Variants in SOX5 observed in about 807,000 individuals in gnomAD.
The protein encoded by SOX5 is transcription factor SOX-5.
Under a neutral mutation model 92.0 loss-of-function variants are expected in SOX5, and 9 were observed. The observed-to-expected ratio is 0.10, with a 90% CI of 0.06 to 0.17. The LOEUF (loss-of-function observed/expected upper bound fraction) is 0.17. SOX5 is among the 10% of genes least tolerant of loss of function. SOX5 has a pLI of 1.00. For missense variants in SOX5, 642 were observed against 944.5 expected (o/e 0.68, Z 4.20); for synonymous variants, 344 against 336.3 (o/e 1.02, Z -0.25).
intron 1 of SOX5, among the ~76,000 whole-genome samples, chr12:24,406,549 G>A (rs373236593): frequency 2.0e-5 from 3 of 152,304 alleles, no homozygotes; most frequent in East Asian, 3.9e-4. Flanking sequence ...GACAGGTGAA[G>A]AGAGGAAAAA....
chr12:23,913,407 T>G (rs907583684), intron 1 of SOX5, among the ~76,000 whole-genome samples: 1 of 151,884 alleles, frequency 6.6e-6, no homozygotes, highest in Non-Finnish European at 1.5e-5. Context: ...CTTTTTACAC[T>G]CCTCATAGGC....
intron 3 of SOX5, among the ~76,000 whole-genome samples, chr12:23,801,993 G>A (rs2095667039): frequency 6.6e-6 from 1 of 152,122 alleles, no homozygotes; most frequent in African/African-American, 2.4e-5. Context: ...GGAAATGCAT[G>A]CTACAATTAT....
chr12:23,782,925 G>T (rs916241995), intron 3 of SOX5, among the ~76,000 whole-genome samples: 2 of 152,048 alleles, frequency 1.3e-5, no homozygotes, highest in Admixed American at 6.5e-5. Flanking sequence ...TAAGCTCTCT[G>T]ATCATCAAAT....
intron 1 of SOX5, among the ~76,000 whole-genome samples, chr12:23,926,917 G>T (rs1437985046): frequency 6.6e-6 from 1 of 151,992 alleles, no homozygotes; most frequent in Non-Finnish European, 1.5e-5. Flanking sequence ...AAATCCATCT[G>T]CATTGGGTAA....
intron 6 of SOX5, among the ~76,000 whole-genome samples, chr12:23,732,915 A>C (rs564750165): frequency 6.6e-6 from 1 of 152,156 alleles, no homozygotes. Context: ...GCTTTTCATT[A>C]AAAAATGTTC....
chr12:24,466,882 G>T (rs1944294076), intron 1 of SOX5, among the ~76,000 whole-genome samples: 1 of 152,198 alleles, frequency 6.6e-6, no homozygotes, highest in Non-Finnish European at 1.5e-5. Context: ...TCTGGAGTAA[G>T]TGACAGTGCT....
chr12:23,830,307 C>T (rs530930308), intron 3 of SOX5, among the ~76,000 whole-genome samples: 2 of 152,210 alleles, frequency 1.3e-5, no homozygotes, highest in East Asian at 1.9e-4. Flanking sequence ...TACAGTGGTG[C>T]TTTTGAAAAG....
intron 1 of SOX5, among the ~76,000 whole-genome samples, chr12:24,551,442 G>T (rs952666005): frequency 2.6e-5 from 4 of 152,132 alleles, no homozygotes; most frequent in African/African-American, 9.7e-5. Context: ...CCAGTCTATT[G>T]GCTAGCATCT....
At chr12:24,122,311 G>C (rs1267619544) in intron 4 of SOX5, among the ~76,000 whole-genome samples, 3 of 152,172 alleles carry the variant, frequency 2.0e-5, no homozygotes, top group Non-Finnish European at 4.4e-5. Context: ...AAGAGATCCA[G>C]TCAAAGCAAA....
chr12:24,085,282 A>G (rs908514258), intron 4 of SOX5, among the ~76,000 whole-genome samples: 6 of 152,084 alleles, frequency 3.9e-5, no homozygotes, highest in African/African-American at 7.2e-5. Flanking sequence ...AAACTACACA[A>G]TGTAATGTGG....
At position 24,171,274 on chromosome 12, in the gene SOX5, A is replaced by T. The variant is rs1593881777; in HGVS notation, c.-2+42069T>A. Among the ~76,000 whole-genome samples, 4 of 124,132 alleles carry T rather than the reference A, an allele frequency of 3.2e-5. 1 individual carries two copies. The highest frequency in any genetic ancestry group is 1.3e-4 in the African/African-American group (4 of 31,396). 81.4% of individuals were successfully genotyped at this position (124,132 alleles called of 152,430 possible). ...AGTCTCGCTCTGTCACCCAGGCTGGAGTGCAGTGGCCCAATCTTGGCTCAC... is the reference window on the plus strand; with the variant it reads ...AGTCTCGCTCTGTCACCCAGGCTGGTGTGCAGTGGCCCAATCTTGGCTCAC... On this transcript the variant is annotated intron_variant, in intron 4 of 4. Transcript: ENST00000446891.
chr12:23,838,854 G>GT (rs544851827), intron 3 of SOX5, among the ~76,000 whole-genome samples: 1 of 93,544 alleles, frequency 1.1e-5, no homozygotes, highest in Admixed American at 1.2e-4. Flanking sequence ...GGGGGGGGGG[G>GT]GCGGGGATGG....
intron 4 of SOX5, among the ~76,000 whole-genome samples, chr12:24,192,997 A>T (rs1594119022): frequency 6.6e-6 from 1 of 152,346 alleles, no homozygotes; most frequent in East Asian, 1.9e-4. Context: ...TGGAACACAA[A>T]TTATTAATGC....
At chr12:24,456,382 C>T (rs1943020978) in intron 1 of SOX5, among the ~76,000 whole-genome samples, 1 of 152,146 alleles carries the variant, frequency 6.6e-6, no homozygotes, top group African/African-American at 2.4e-5. Context: ...TAACAGTTAA[C>T]ATTCCATCTC....
At chr12:24,467,648 G>C (rs1944369531) in intron 1 of SOX5, among the ~76,000 whole-genome samples, 1 of 152,150 alleles carries the variant, frequency 6.6e-6, no homozygotes, top group African/African-American at 2.4e-5. Context: ...ACACCACATA[G>C]GGGTGTTTAG....
chr12:24,065,770 G>A (rs1367783695), intron 4 of SOX5, among the ~76,000 whole-genome samples: 2 of 151,996 alleles, frequency 1.3e-5, no homozygotes, highest in Non-Finnish European at 2.9e-5. Context: ...TGTCAACCAG[G>A]AACTTCTTCA....
intron 7 of SOX5, among the ~76,000 whole-genome samples, chr12:23,646,390 C>A (rs1267469379): frequency 1.3e-5 from 2 of 152,164 alleles, no homozygotes; most frequent in East Asian, 1.9e-4. Context: ...TGGACTTGAA[C>A]TCCTGGGCTC....
At chr12:23,814,798 G>A (rs1049180310) in intron 3 of SOX5, among the ~76,000 whole-genome samples, 1 of 152,024 alleles carries the variant, frequency 6.6e-6, no homozygotes, top group Admixed American at 6.6e-5. Flanking sequence ...TTAATATATA[G>A]GAAAAGGTAG....
intron 3 of SOX5, among the ~76,000 whole-genome samples, chr12:23,807,868 G>A (rs2095808736): frequency 1.3e-5 from 2 of 151,880 alleles, no homozygotes; most frequent in South Asian, 4.1e-4. Context: ...GGCTGGTCTT[G>A]AACTCTTGAC....
Sources: gnomAD v4.1 joint callset for allele counts (sites outside exome capture counted in the v4.1 genomes callset) on GRCh38, gnomAD v4.1.1 for gene constraint, MANE v1.5 for transcripts, NCBI Gene and HGNC (gene_info 2026-07-23, HGNC 2026-07-21) for gene names.